The following USP42 variants were observed in gnomAD, a reference collection of about 807,000 sequenced individuals.
The protein encoded by USP42 is ubiquitin specific peptidase 42.
Under a neutral mutation model 113.0 loss-of-function variants are expected in USP42, and 23 were observed. That is an observed-to-expected ratio of 0.20 (90% CI 0.15 to 0.29). USP42 has a LOEUF of 0.29. Among genes scored for constraint, USP42 ranks in the 10% least tolerant of loss-of-function variants. The pLI is 1.00. For synonymous variants in USP42, 933 were observed against 699.0 expected (o/e 1.33, Z -5.28); for missense variants, 2,174 against 1,779.8 (o/e 1.22, Z -3.99).
intron 4 of USP42, among the ~76,000 whole-genome samples, chr7:6,137,834 C>T (rs1221472171): frequency 2.0e-5 from 3 of 152,158 alleles, no homozygotes; most frequent in Middle Eastern, 3.4e-3. Flanking sequence ...GTGCTTGCCA[C>T]TACCCCTGGC....
chr7:6,129,829 C>G (rs1394414839), intron 3 of USP42, among the ~76,000 whole-genome samples: 1 of 149,482 alleles, frequency 6.7e-6, no homozygotes, highest in Non-Finnish European at 1.5e-5. Context: ...CCATTGTACT[C>G]CAGCCTGGGT....
Position 6,139,049 on chromosome 7 carries a change from T to C in USP42, c.554-43T>C, listed in dbSNP as rs1312236274. 2.2e-6 allele frequency: 3 copies of C among 1,345,408 alleles called. No homozygotes were observed. In the Admixed American group the frequency reaches 6.4e-5, roughly 29 times the overall value. The allele number at this position is 1,345,408 out of a possible 1,614,324, so 83.3% of individuals were successfully genotyped here. A position where few individuals can be genotyped will look rare whatever the true frequency, so the allele number is the denominator to read the frequency against. ...TTTTGGGGGGTACAACTTAGGCTTA[T>C]TACGTGTAATGATAAAGCCTTGTCT... On this transcript the variant is annotated intron_variant, in intron 4 of 17. Transcript: ENST00000306177. The surrounding 1 kb of genome is among the most constrained non-coding windows in gnomAD (Gnocchi z 4.5).
At chr7:6,128,916 C>G (rs969156246) in intron 3 of USP42, among the ~76,000 whole-genome samples, 4 of 151,160 alleles carry the variant, frequency 2.6e-5, no homozygotes, top group Admixed American at 2.0e-4. Context: ...AGTCTCCCAA[C>G]CTCAAATGAT....
chr7:6,093,487 TGGCCA>T, the USP42 span, among the ~76,000 whole-genome samples: 18 of 150,958 alleles, frequency 1.2e-4, no homozygotes, highest in Middle Eastern at 3.4e-3. Context: ...AAAACCATGT[TGGCCA>T]GGCTGGTCTC....
intron 12 of USP42, 129 bp downstream of exon 12, chr7:6,148,021 A>G: frequency 1.0e-6 from 1 of 979,122 alleles, no homozygotes; most frequent in South Asian, 1.8e-5. Flanking sequence ...GTTTAATCAA[A>G]CCCTCTTACA....
At chr7:6,146,354 C>T in intron 11 of USP42, 106 bp downstream of exon 11, 3 of 729,714 alleles carry the variant, frequency 4.1e-6, no homozygotes. Flanking sequence ...AAAAAAAAAC[C>T]CAGCAGCTTA....
At chr7:6,095,259 G>A in the USP42 span, among the ~76,000 whole-genome samples, 3 of 151,294 alleles carry the variant, frequency 2.0e-5, no homozygotes, top group African/African-American at 4.9e-5. Context: ...TGATCCCTTA[G>A]CAATAAGGGA....
intron 11 of USP42, 51 bp downstream of exon 11, chr7:6,146,299 T>TA (rs1445294330): frequency 8.7e-7 from 1 of 1,150,698 alleles, no homozygotes; most frequent in Non-Finnish European, 1.2e-6. Context: ...CATTTCTTCT[T>TA]GTCTTATCAA....
rs923541924 is a variant in USP42, at chr7:6,125,750, A to C, written c.443-10091A>C. Among the ~76,000 whole-genome samples the C allele has an allele frequency of 2.1e-4, 30 of 142,636 alleles. 1 individual carries two copies. The highest frequency in any genetic ancestry group is 6.2e-5 in the Non-Finnish European group (4 of 64,864). The allele number at this position is 142,636 out of a possible 152,430, so 93.6% of individuals were successfully genotyped here. A position where few individuals can be genotyped will look rare whatever the true frequency, so the allele number is the denominator to read the frequency against. On this transcript the variant is annotated intron_variant, in intron 3 of 17. Coordinates refer to ENST00000306177, the MANE Select transcript of USP42 (RefSeq NM_032172.3). ...AGATTTCCATTTGGTATTTTTCCTTACTTTTGTTTTGTTTTGTTTTTTGAT... is the reference window on the plus strand; with the variant it reads ...AGATTTCCATTTGGTATTTTTCCTTCCTTTTGTTTTGTTTTGTTTTTTGAT...
chr7:6,154,324 G>A lies in USP42; in HGVS notation c.2770G>A (p.Val924Ile), dbSNP rs774239025. 6.3e-7 allele frequency: 1 copy of A among 1,576,666 alleles called. No homozygotes were observed. Among genetic ancestry groups the A allele is most frequent in the Admixed American group, 1.8e-5 (1 of 54,232 alleles). ...GDAEPSPGER[V>I]EDAAAPKAPG... ...CGCTGAGCCTAGCCCCGGCGAGAGG[G>A]TCGAGGACGCCGCGGCGCCGAAAGC... is the stretch of plus-strand genomic sequence containing the variant. The change falls in exon 15 of 18, where the codon GTC becomes ATC. Residue 924 changes from valine to isoleucine, a missense_variant. Coordinates refer to ENST00000306177, the MANE Select transcript of USP42 (RefSeq NM_032172.3).
intron 1 of USP42, among the ~76,000 whole-genome samples, chr7:6,109,222 AGC>A (rs1779457360): frequency 1.3e-5 from 2 of 152,184 alleles, no homozygotes; most frequent in Admixed American, 6.5e-5. Context: ...GCATGTGCAG[AGC>A]CCAGAGACAG....
At chr7:6,121,381 A>T (rs372030552) in intron 3 of USP42, among the ~76,000 whole-genome samples, 203 of 152,158 alleles carry the variant, frequency 1.3e-3, no homozygotes, top group Middle Eastern at 3.4e-3. Flanking sequence ...GCATTATTCT[A>T]TGTATTACTG....
At chr7:6,104,464 C>T (rs144250333), upstream of USP42, among the ~76,000 whole-genome samples, 701 of 152,372 alleles carry the variant, frequency 4.6e-3, 1 homozygote, top group Non-Finnish European at 7.2e-3. Flanking sequence ...AGGGCGAAGC[C>T]CACGAAGCGG....
In USP42 at chr7:6,149,793, C is replaced by G. The variant is rs772825025; in HGVS notation, c.1597C>G (p.Arg533Gly). Residue 533 changes from arginine (R) to glycine (G), a missense_variant, in exon 13 of 18, where the codon CGC (arginine) becomes GGC (glycine). Physicochemically the swap from Arg to Gly is moderately radical, Grantham distance 125 (BLOSUM62 -2). Coordinates refer to ENST00000306177, the MANE Select transcript of USP42 (RefSeq NM_032172.3). ...TISIHNKLPVRQCQSQPNLHS... is the reference protein window; with the variant it reads ...TISIHNKLPVGQCQSQPNLHS... ...CAGTATTCACAACAAGTTGCCTGTT[C>G]GCCAGTGTCAGTCTCAACCTAACCT... 26 of 1,613,896 alleles carry G rather than the reference C, an allele frequency of 1.6e-5. No individual in the cohort carries two copies. Among genetic ancestry groups the G allele is most frequent in the African/African-American group, 2.7e-5 (2 of 74,928 alleles).
chr7:6,134,721 T>C (rs1214615380), intron 3 of USP42, among the ~76,000 whole-genome samples: 1 of 152,190 alleles, frequency 6.6e-6, no homozygotes, highest in Non-Finnish European at 1.5e-5. Flanking sequence ...AGATATGCCA[T>C]AGAGACCACC....
intron 3 of USP42, among the ~76,000 whole-genome samples, chr7:6,128,447 T>C (rs989285065): frequency 6.6e-6 from 1 of 152,136 alleles, no homozygotes; most frequent in Non-Finnish European, 1.5e-5. Context: ...CCCTGCTTTG[T>C]TTTGATTAAT....
Position 6,154,699 on chromosome 7 carries a change from T to G in USP42, c.3145T>G (p.Phe1049Val). 1 of 1,601,958 alleles carries G rather than the reference T, an allele frequency of 6.2e-7. No homozygotes were observed. Among genetic ancestry groups the G allele is most frequent in the Middle Eastern group, 1.7e-4 (1 of 6,042 alleles). The change falls in exon 15 of 18, where the codon TTC becomes GTC. Residue 1049 changes from phenylalanine to valine, a missense_variant. By Grantham distance (50) the Phe-to-Val change is conservative. Transcript: ENST00000306177. Reference protein sequence around the residue: ...EGERGWGREKFYPDRPRWDRC... With the variant: ...EGERGWGREKVYPDRPRWDRC... ...CGAGCGTGGCTGGGGCCGGGAGAAGTTCTACCCCGACAGGCCGCGCTGGGA... is the reference window on the plus strand; with the variant it reads ...CGAGCGTGGCTGGGGCCGGGAGAAGGTCTACCCCGACAGGCCGCGCTGGGA...
At chr7:6,148,896 G>A (rs932989514) in intron 12 of USP42, among the ~76,000 whole-genome samples, 3 of 152,232 alleles carry the variant, frequency 2.0e-5, no homozygotes, top group Non-Finnish European at 4.4e-5. Flanking sequence ...GTGCCCTGTA[G>A]GAAGGGGTGG....
Position 6,139,248 on chromosome 7 carries a change from T to A in USP42, c.656+54T>A. Reference sequence around the variant, plus strand: ...TTCATTGGGGATCTCTGGTTGTAGTTTATTCTTATCAGAATTCATTTTCAC... The same window carrying A: ...TTCATTGGGGATCTCTGGTTGTAGTATATTCTTATCAGAATTCATTTTCAC... On this transcript the variant is annotated intron_variant, in intron 5 of 17. Coordinates refer to ENST00000306177, the MANE Select transcript of USP42 (RefSeq NM_032172.3). This position sits in a 1 kb window ranked among gnomAD's most constrained non-coding sequence, Gnocchi z 4.5. The A allele has an allele frequency of 7.4e-7, 1 of 1,348,156 alleles. No homozygotes were observed. Among genetic ancestry groups the A allele is most frequent in the South Asian group, 1.4e-5 (1 of 72,596 alleles). The allele number at this position is 1,348,156 out of a possible 1,614,324, so 83.5% of individuals were successfully genotyped here. A position where few individuals can be genotyped will look rare whatever the true frequency, so the allele number is the denominator to read the frequency against.
Sources: allele counts gnomAD v4.1 joint callset (sites outside exome capture counted in the v4.1 genomes callset), GRCh38; gene constraint gnomAD v4.1.1; non-coding constraint Gnocchi (gnomAD v3.1); transcripts MANE v1.5; gene names NCBI Gene and HGNC (gene_info 2026-07-23, HGNC 2026-07-21).